The following EMID1 variants were observed in gnomAD, a reference collection of about 807,000 sequenced individuals.
EMID1 encodes the protein EMI domain-containing protein 1.
A neutral mutation model predicts 60.6 loss-of-function variants in EMID1; 40 were observed. The ratio of observed to expected loss-of-function variants is 0.66; its 90% CI spans 0.51 to 0.86. The LOEUF (loss-of-function observed/expected upper bound fraction) is 0.86. Ranked by LOEUF, EMID1 falls within the 40% of genes least tolerant of loss-of-function variation. The pLI, the probability that EMID1 is intolerant of heterozygous loss-of-function variation, is 0.00. For synonymous variants in EMID1, 242 were observed against 231.0 expected (o/e 1.05, Z -0.43); for missense variants, 585 against 597.1 (o/e 0.98, Z 0.21).
intron 12 of EMID1, among the ~76,000 whole-genome samples, chr22:29,237,100 T>TACAGGCATGAGCCACCACGCCCAGGTC (rs1555887015): frequency 4.8e-5 from 7 of 146,622 alleles, no homozygotes; most frequent in African/African-American, 1.1e-4. Context: ...CAGCTACTAT[T>TACAGGCATGAGCCACCACGCCCAGGTC]TTCTATTTGT....
intron 13 of EMID1, among the ~76,000 whole-genome samples, chr22:29,252,826 T>G (rs1312066875): frequency 6.6e-6 from 1 of 152,154 alleles, no homozygotes; most frequent in Non-Finnish European, 1.5e-5. Flanking sequence ...CATCAGGATG[T>G]GCCAGATTGT....
chr22:29,239,209 T>C (rs1353794020), intron 12 of EMID1, among the ~76,000 whole-genome samples: 1 of 145,148 alleles, frequency 6.9e-6, no homozygotes, highest in Non-Finnish European at 1.5e-5. Context: ...AGCCCATCAA[T>C]GGCATTCTTT....
At position 29,257,690 on chromosome 22, in the gene EMID1, G is replaced by A. The variant is rs145929537; in HGVS notation, c.1205-1127G>A. On this transcript the variant is annotated intron_variant, in intron 14 of 14. Coordinates refer to ENST00000334018, the MANE Select transcript of EMID1 (RefSeq NM_133455.4). The stretch of plus-strand genomic sequence containing the variant: ...TAACCATAATAATCCAGCATTTCCC[G>A]TGAAAACCACTTTCCAGTCCTGGTC... Among the ~76,000 whole-genome samples the A allele has an allele frequency of 9.2e-5, 14 of 152,308 alleles. No homozygotes were observed. In the East Asian group the frequency reaches 1.5e-3, roughly 17 times the overall value.
At chr22:29,212,130 C>T (rs188936460) in intron 1 of EMID1, among the ~76,000 whole-genome samples, 3 of 152,092 alleles carry the variant, frequency 2.0e-5, no homozygotes, top group East Asian at 1.9e-4. Flanking sequence ...GGATTACAGG[C>T]GCACACCACC....
intron 3 of EMID1, 113 bp downstream of exon 3, chr22:29,215,743 G>A (rs1302698054): frequency 1.2e-6 from 1 of 806,748 alleles, no homozygotes; most frequent in African/African-American, 1.7e-5. Context: ...CATGCCTGCT[G>A]GGGCCAGCTG....
In EMID1 at chr22:29,216,579, G is replaced by A. The variant is rs538828162; in HGVS notation, c.319+949G>A. 3.0e-4 allele frequency: 295 copies of A among 985,448 alleles called. No homozygotes were observed. In the African/African-American group the frequency reaches 4.7e-3, roughly 16 times the overall value. The allele number at this position is 985,448 out of a possible 1,614,324, so 61.0% of individuals were successfully genotyped here. A position where few individuals can be genotyped will look rare whatever the true frequency, so the allele number is the denominator to read the frequency against. The stretch of plus-strand genomic sequence containing the variant: ...CCCAATTCCGGAAACACAAATGTGC[G>A]AAAATGTAGCCTCTGACTCAAAGGA... On this transcript the variant is annotated intron_variant, in intron 3 of 14. Coordinates refer to ENST00000334018, the MANE Select transcript of EMID1 (RefSeq NM_133455.4).
In EMID1 at chr22:29,206,157, C is replaced by G; in HGVS notation, c.101+18C>G. 1 of 1,228,554 alleles carries G rather than the reference C, an allele frequency of 8.1e-7. No individual in the cohort carries two copies. The highest frequency in any genetic ancestry group is 1.0e-6 in the Non-Finnish European group (1 of 985,336). The allele number at this position is 1,228,554 out of a possible 1,614,324, so 76.1% of individuals were successfully genotyped here. The stretch of plus-strand genomic sequence containing the variant: ...GGACGCAGGTAAGAGCTCCCGGCGC[C>G]TTTGCACCCCGCTGGCCGAGGGTCC... On this transcript the variant is annotated intron_variant, in intron 1 of 14. Transcript: ENST00000334018.
chr22:29,251,491 C>T (rs2041526574), intron 13 of EMID1, among the ~76,000 whole-genome samples: 2 of 151,234 alleles, frequency 1.3e-5, no homozygotes, highest in South Asian at 4.2e-4. Context: ...TGTGAGCCAC[C>T]ATGCCAGCCC....
chr22:29,217,925 C>A (rs1222281578), intron 3 of EMID1, among the ~76,000 whole-genome samples: 1 of 152,224 alleles, frequency 6.6e-6, no homozygotes, highest in Non-Finnish European at 1.5e-5. Flanking sequence ...AGCCATAGAG[C>A]TGCATCACCA....
At chr22:29,234,629 T>G (rs907985763) in intron 12 of EMID1, among the ~76,000 whole-genome samples, 3 of 152,244 alleles carry the variant, frequency 2.0e-5, no homozygotes, top group Non-Finnish European at 4.4e-5. Flanking sequence ...CAATTCTGAT[T>G]GTAGATCTGT....
At position 29,233,254 on chromosome 22, in the gene EMID1, G is replaced by C. The variant is rs928187752; in HGVS notation, c.824-125G>C. The C allele has an allele frequency of 3.2e-6, 3 of 950,064 alleles. No individual in the cohort carries two copies. The African/African-American group carries it at 4.9e-5, about 15-fold the overall frequency. The allele number at this position is 950,064 out of a possible 1,614,324, so 58.9% of individuals were successfully genotyped here. A position where few individuals can be genotyped will look rare whatever the true frequency, so the allele number is the denominator to read the frequency against. On this transcript the variant is annotated intron_variant, in intron 8 of 14. Coordinates refer to ENST00000334018, the MANE Select transcript of EMID1 (RefSeq NM_133455.4). ...TCCTCACCCTGGAGCAGGTGCCCAG[G>C]TGGTACCAGCCATGCTGCAGGCTGC...
chr22:29,250,255 C>A (rs186163061), intron 13 of EMID1, among the ~76,000 whole-genome samples: 3 of 152,190 alleles, frequency 2.0e-5, no homozygotes, highest in Non-Finnish European at 4.4e-5. Context: ...GACCTTGTCT[C>A]AATCAATCAA....
chr22:29,219,976 C>A (rs2040231574), intron 3 of EMID1, among the ~76,000 whole-genome samples: 1 of 152,090 alleles, frequency 6.6e-6, no homozygotes, highest in Non-Finnish European at 1.5e-5. Context: ...CTAAACATTG[C>A]AAATCCACCT....
intron 5 of EMID1, among the ~76,000 whole-genome samples, chr22:29,229,386 G>C (rs1348049946): frequency 6.6e-6 from 1 of 152,148 alleles, no homozygotes; most frequent in African/African-American, 2.4e-5. Flanking sequence ...GCTCATGCCT[G>C]TAATCCCAGC....
At chr22:29,244,685 T>C (rs1219691703) in intron 13 of EMID1, among the ~76,000 whole-genome samples, 1 of 151,064 alleles carries the variant, frequency 6.6e-6, no homozygotes, top group South Asian at 2.1e-4. Context: ...TTCACAATCA[T>C]TGAAAATCAT....
chr22:29,221,140 C>A (rs2040283032), intron 3 of EMID1, among the ~76,000 whole-genome samples: 1 of 143,634 alleles, frequency 7.0e-6, no homozygotes, highest in Admixed American at 7.1e-5. Flanking sequence ...ACGTGAGGGC[C>A]TCCCAGATGG....
chr22:29,253,446 G>T (rs192573215), intron 13 of EMID1, among the ~76,000 whole-genome samples: 12 of 152,218 alleles, frequency 7.9e-5, no homozygotes, highest in Admixed American at 7.9e-4. Flanking sequence ...GCTGGGTGTG[G>T]TGGTGCATGC....
At chr22:29,251,404 T>C (rs1218015382) in intron 13 of EMID1, among the ~76,000 whole-genome samples, 1 of 144,712 alleles carries the variant, frequency 6.9e-6, no homozygotes, top group Non-Finnish European at 1.5e-5. Flanking sequence ...TTTTTAGAGA[T>C]GGGGTCTCAC....
intron 14 of EMID1, 162 bp downstream of exon 14, chr22:29,254,449 A>C: frequency 2.0e-5 from 13 of 664,534 alleles, no homozygotes; most frequent in Non-Finnish European, 2.9e-5. Context: ...CCTTCCCTCA[A>C]TGACTGGTTC....
Sources: allele counts gnomAD v4.1 joint callset (sites outside exome capture counted in the v4.1 genomes callset), GRCh38; gene constraint gnomAD v4.1.1; transcripts MANE v1.5; gene names NCBI Gene and HGNC (gene_info 2026-07-23, HGNC 2026-07-21).